The following USP6NL variants were observed in gnomAD, a reference collection of about 807,000 sequenced individuals.
USP6NL encodes USP6 N-terminal-like protein.
A neutral mutation model predicts 61.9 loss-of-function variants in USP6NL; 26 were observed. That is an observed-to-expected ratio of 0.42 (90% CI 0.31 to 0.58). The LOEUF is 0.58. Among genes scored for constraint, USP6NL ranks in the 20% least tolerant of loss-of-function variants. The pLI is 0.16. For missense variants in USP6NL, 1,114 were observed against 1,034.3 expected, an observed-to-expected ratio of 1.08 and a Z score of -1.06; for synonymous variants, 432 against 390.1, an observed-to-expected ratio of 1.11 and a Z score of -1.27.
chr10:11,547,686 A>G (rs900283480), intron 2 of USP6NL, among the ~76,000 whole-genome samples: 23 of 152,126 alleles, frequency 1.5e-4, no homozygotes, highest in East Asian at 3.9e-4. Context: ...GACTACAGGC[A>G]TCCGCCATCA....
chr10:11,475,923 A>G (rs184332839), intron 14 of USP6NL, among the ~76,000 whole-genome samples: 80 of 152,312 alleles, frequency 5.3e-4, no homozygotes, highest in Non-Finnish European at 9.0e-4. Context: ...ATCTTATTAA[A>G]CTGCTACATC....
In USP6NL at chr10:11,461,763, T is replaced by C. The variant is rs1179568314; in HGVS notation, c.*678A>G. The C allele has an allele frequency of 1.3e-5, 2 of 152,254 alleles. No individual in the cohort carries two copies. Among genetic ancestry groups the C allele is most frequent in the Non-Finnish European group, 2.9e-5 (2 of 68,066 alleles). 9.4% of individuals were successfully genotyped at this position (152,254 alleles called of 1,614,324 possible). A position where few individuals can be genotyped will look rare whatever the true frequency, so the allele number is the denominator to read the frequency against. On this transcript the variant is annotated 3_prime_UTR_variant, in exon 15 of 15. Coordinates refer to ENST00000609104, the MANE Select transcript of USP6NL (RefSeq NM_014688.5). ...TGGTTAGCCTTTCTCTCCAATGTCT[T>C]TAATTTTCAGATTGAAAGAAAATGG...
At chr10:11,610,543 T>C (rs1478563398) in intron 1 of USP6NL, among the ~76,000 whole-genome samples, 2 of 152,158 alleles carry the variant, frequency 1.3e-5, no homozygotes, top group Non-Finnish European at 2.9e-5. Context: ...AAAGGTGTAA[T>C]TATTTTTATA....
At chr10:11,551,174 A>T (rs1360334586) in intron 2 of USP6NL, among the ~76,000 whole-genome samples, 1 of 152,240 alleles carries the variant, frequency 6.6e-6, no homozygotes, top group Non-Finnish European at 1.5e-5. Context: ...AAAAATTTTT[A>T]TGTGAAAGTT....
At chr10:11,605,149 T>A (rs564181168) in intron 1 of USP6NL, among the ~76,000 whole-genome samples, 2 of 152,254 alleles carry the variant, frequency 1.3e-5, no homozygotes, top group East Asian at 3.9e-4. Flanking sequence ...AAATCTGAAA[T>A]AGAAAGCAAG....
At position 11,501,136 on chromosome 10, in the gene USP6NL, G is replaced by A. The variant is rs768908394; in HGVS notation, c.349C>T (p.Pro117Ser). The change falls in exon 7 of 15, where the codon CCT becomes TCT. Residue 117 changes from proline to serine, a missense_variant. Coordinates refer to ENST00000609104, the MANE Select transcript of USP6NL (RefSeq NM_014688.5). The stretch of plus-strand genomic sequence containing the variant: ...TCCCTTGTTTCTTCTTTCATTTTAG[G>A]GATCTCAAGAAGGAGGGCCCAGACT... ...GEVWALLLEI[P>S]KMKEETRDLY... 6.2e-7 allele frequency: 1 copy of A among 1,612,820 alleles called. No homozygotes were observed. Among genetic ancestry groups the A allele is most frequent in the Middle Eastern group, 1.7e-4 (1 of 6,032 alleles).
chr10:11,475,596 C>CAAAAA (rs35589300), intron 14 of USP6NL, among the ~76,000 whole-genome samples: 30 of 38,690 alleles, frequency 7.8e-4, no homozygotes, highest in South Asian at 1.2e-3. Context: ...AACTCTGTCG[C>CAAAAA]AAAAAAAAAA....
intron 2 of USP6NL, among the ~76,000 whole-genome samples, chr10:11,530,928 G>T (rs1054344036): frequency 1.3e-5 from 2 of 152,130 alleles, no homozygotes; most frequent in Admixed American, 6.6e-5. Context: ...TAGAAATTCT[G>T]TTGAAAGAAC....
At chr10:11,531,115 A>G (rs1163986601) in intron 2 of USP6NL, among the ~76,000 whole-genome samples, 2 of 152,184 alleles carry the variant, frequency 1.3e-5, no homozygotes, top group African/African-American at 2.4e-5. Context: ...AAAAATTCAC[A>G]CCGCATGTTT....
chr10:11,606,599 A>C (rs1173152023), intron 1 of USP6NL, among the ~76,000 whole-genome samples: 3 of 152,196 alleles, frequency 2.0e-5, no homozygotes, highest in East Asian at 1.9e-4. Context: ...AAAGGGTGAA[A>C]GTCTCAATAT....
chr10:11,555,471 A>AGAAAGAGAGAGAG (rs1566178235), intron 2 of USP6NL, among the ~76,000 whole-genome samples: 63 of 62,090 alleles, frequency 1.0e-3, no homozygotes, highest in African/African-American at 3.6e-3. Context: ...GAGAGAGAGA[A>AGAAAGAGAGAGAG]AGAGAGAGAG....
chr10:11,517,730 T>C (rs1835017413), intron 5 of USP6NL, among the ~76,000 whole-genome samples: 1 of 152,224 alleles, frequency 6.6e-6, no homozygotes, highest in Non-Finnish European at 1.5e-5. Context: ...CAGAAAAGTT[T>C]GATCCCAGGA....
At chr10:11,497,067 A>G (rs966934846) in intron 7 of USP6NL, among the ~76,000 whole-genome samples, 3 of 151,182 alleles carry the variant, frequency 2.0e-5, no homozygotes, top group African/African-American at 7.3e-5. Flanking sequence ...TGAAAAATAA[A>G]TCTGTACATA....
chr10:11,602,902 T>A lies in USP6NL; in HGVS notation c.-83-5185A>T, dbSNP rs1376697263. On this transcript the variant is annotated intron_variant, in intron 1 of 14. Coordinates refer to ENST00000609104, the MANE Select transcript of USP6NL (RefSeq NM_014688.5). This position sits in a 1 kb window ranked among gnomAD's most constrained non-coding sequence, Gnocchi z 4.8. ...AGTCATTATTCACTAACAGAGAAAG[T>A]CTCAACACTGTACTTTCACAGTTCT... Among the ~76,000 whole-genome samples, 1 of 152,170 alleles carries A rather than the reference T, an allele frequency of 6.6e-6. No homozygotes were observed. Among genetic ancestry groups the A allele is most frequent in the African/African-American group, 2.4e-5 (1 of 41,430 alleles).
intron 2 of USP6NL, among the ~76,000 whole-genome samples, chr10:11,551,308 C>T (rs1372392745): frequency 1.3e-5 from 2 of 152,104 alleles, no homozygotes; most frequent in Admixed American, 1.3e-4. Flanking sequence ...GCTGATAACA[C>T]GAAACAATGC....
rs370561269 is a variant in USP6NL, at chr10:11,538,833, T to C, written c.5-11266A>G. On this transcript the variant is annotated intron_variant, in intron 2 of 14. Coordinates refer to ENST00000609104, the MANE Select transcript of USP6NL (RefSeq NM_014688.5). ...TCCTTCACCTGCATTTTAAATAACA[T>C]AGGGGGCTCCGGGAAGATGAAGTGC... 1.1e-4 allele frequency among the ~76,000 whole-genome samples: 17 copies of C among 152,302 alleles called. No homozygotes were observed. In the East Asian group the frequency reaches 2.5e-3, roughly 23 times the overall value.
chr10:11,499,426 A>T lies in USP6NL; in HGVS notation c.384+1675T>A, dbSNP rs1318619469. ...CTAAAATATAACTGAAAATTAGAGT[A>T]CTATTAGCAGGCAAGCTGGGATGAA... On this transcript the variant is annotated intron_variant, in intron 7 of 14. Coordinates refer to ENST00000609104, the MANE Select transcript of USP6NL (RefSeq NM_014688.5). The surrounding 1 kb of genome is among the most constrained non-coding windows in gnomAD (Gnocchi z 4.5). 6.6e-6 allele frequency among the ~76,000 whole-genome samples: 1 copy of T among 152,216 alleles called. No individual in the cohort carries two copies. Among genetic ancestry groups the T allele is most frequent in the East Asian group, 1.9e-4 (1 of 5,204 alleles).
rs562061923 is a variant in USP6NL at position 11,460,654 on chromosome 10, T to A, written c.*1787A>T. The A allele has an allele frequency of 1.5e-3, 207 of 133,580 alleles. No individual in the cohort carries two copies. The highest frequency in any genetic ancestry group is 2.7e-3 in the African/African-American group (87 of 32,138). The allele number at this position is 133,580 out of a possible 1,614,324, so 8.3% of individuals were successfully genotyped here. ...ATATATATATATATATATATATATA[T>A]AAAAATCTACAGTATTTACCACTGT... On this transcript the variant is annotated 3_prime_UTR_variant, in exon 15 of 15. Coordinates refer to ENST00000609104, the MANE Select transcript of USP6NL (RefSeq NM_014688.5).
intron 4 of USP6NL, among the ~76,000 whole-genome samples, chr10:11,524,782 G>C (rs1466396594): frequency 6.6e-6 from 1 of 152,120 alleles, no homozygotes; most frequent in East Asian, 1.9e-4. Context: ...GAAGTCTCTA[G>C]CCTGTAGGAA....
Sources: allele counts gnomAD v4.1 joint callset (sites outside exome capture counted in the v4.1 genomes callset), GRCh38; gene constraint gnomAD v4.1.1; non-coding constraint Gnocchi (gnomAD v3.1); transcripts MANE v1.5; gene names NCBI Gene and HGNC (gene_info 2026-07-23, HGNC 2026-07-21).